The following RBMS3 variants were observed in gnomAD, a reference collection of about 807,000 sequenced individuals.
The protein encoded by RBMS3 is RNA binding motif single stranded interacting protein 3.
In RBMS3, 27 loss-of-function variants were observed where a neutral mutation model predicts 66.8. That is an observed-to-expected ratio of 0.40 (90% CI 0.30 to 0.56). The LOEUF (loss-of-function observed/expected upper bound fraction) is 0.56. Ranked by LOEUF, RBMS3 falls within the 20% of genes least tolerant of loss-of-function variation. The pLI is 0.40. For missense variants in RBMS3, 513 were observed against 549.5 expected, an observed-to-expected ratio of 0.93 and a Z score of 0.66; for synonymous variants, 188 against 183.0, an observed-to-expected ratio of 1.03 and a Z score of -0.22.
intron 6 of RBMS3, among the ~76,000 whole-genome samples, chr3:29,812,651 T>C (rs1263008137): frequency 6.6e-6 from 1 of 152,118 alleles, no homozygotes; most frequent in Non-Finnish European, 1.5e-5. Flanking sequence ...GATTCAAAGG[T>C]TTGACTATTA....
chr3:29,840,065 T>C (rs1283773376), intron 6 of RBMS3, among the ~76,000 whole-genome samples: 1 of 152,048 alleles, frequency 6.6e-6, no homozygotes, highest in Non-Finnish European at 1.5e-5. Flanking sequence ...TCCCTTTCTC[T>C]TTCTCCTCTA....
intron 5 of RBMS3, among the ~76,000 whole-genome samples, chr3:29,756,914 T>C (rs1168231101): frequency 6.6e-6 from 1 of 152,206 alleles, no homozygotes; most frequent in Non-Finnish European, 1.5e-5. Context: ...CATATATCAG[T>C]GTCTTCACCA....
At chr3:29,729,926 C>T (rs1046679801) in intron 4 of RBMS3, among the ~76,000 whole-genome samples, 1 of 151,880 alleles carries the variant, frequency 6.6e-6, no homozygotes, top group Non-Finnish European at 1.5e-5. Context: ...GGGCTATCTA[C>T]CTCAAGGGCT....
At chr3:29,627,294 C>T (rs2049098136) in intron 4 of RBMS3, among the ~76,000 whole-genome samples, 1 of 148,754 alleles carries the variant, frequency 6.7e-6, no homozygotes, top group East Asian at 2.2e-4. Flanking sequence ...TCTTCTCTCT[C>T]TCTCTGTCTC....
intron 4 of RBMS3, among the ~76,000 whole-genome samples, chr3:29,611,295 A>G (rs1442623433): frequency 6.6e-6 from 1 of 152,080 alleles, no homozygotes; most frequent in East Asian, 1.9e-4. Context: ...TTTAGAAGGC[A>G]TATTCTTCAA....
intron 12 of RBMS3, among the ~76,000 whole-genome samples, chr3:29,953,852 CTCTT>C (rs1439765649): frequency 6.6e-6 from 1 of 151,832 alleles, no homozygotes; most frequent in Non-Finnish European, 1.5e-5. Flanking sequence ...TAAAAAATGA[CTCTT>C]TCTTTATGAG....
rs138376863 is a variant in RBMS3, at chr3:29,986,900, G to A, written c.1099-1243G>A. The stretch of plus-strand genomic sequence containing the variant: ...AGAGCTTGCAGTGAGCCAAGATCAC[G>A]CCCCTGCACTCCATTCTGGGCAACA... On this transcript the variant is annotated intron_variant, in intron 12 of 14. Transcript: ENST00000383767. Among the ~76,000 whole-genome samples, 220 of 152,206 alleles carry A rather than the reference G, an allele frequency of 1.4e-3. 1 individual carries two copies. The highest frequency in any genetic ancestry group is 5.0e-3 in the African/African-American group (209 of 41,550).
chr3:29,871,281 C>T (rs546238380), intron 7 of RBMS3, among the ~76,000 whole-genome samples: 2 of 152,200 alleles, frequency 1.3e-5, no homozygotes, highest in South Asian at 4.1e-4. Flanking sequence ...CACTTGAGGG[C>T]ACTACCTACA....
chr3:29,870,926 G>A (rs900301995), intron 7 of RBMS3, among the ~76,000 whole-genome samples: 1 of 151,924 alleles, frequency 6.6e-6, no homozygotes, highest in African/African-American at 2.4e-5. Context: ...TTTGGTTTGG[G>A]GATGCACATA....
At chr3:29,911,217 T>C (rs1032842190) in intron 10 of RBMS3, among the ~76,000 whole-genome samples, 19 of 151,878 alleles carry the variant, frequency 1.3e-4, no homozygotes, top group African/African-American at 4.4e-4. Flanking sequence ...GCAGGAAGGG[T>C]GCTCTGAGCA....
At chr3:29,529,688 G>C (rs1043380050) in intron 3 of RBMS3, among the ~76,000 whole-genome samples, 3 of 152,140 alleles carry the variant, frequency 2.0e-5, no homozygotes, top group Non-Finnish European at 2.9e-5. Context: ...ATAGATGTGA[G>C]TGTTTTGGTG....
intron 6 of RBMS3, among the ~76,000 whole-genome samples, chr3:29,807,690 G>T (rs1294070087): frequency 6.6e-6 from 1 of 151,790 alleles, no homozygotes; most frequent in Non-Finnish European, 1.5e-5. Context: ...ATGTTCCACA[G>T]CACATTGTTA....
intron 13 of RBMS3, among the ~76,000 whole-genome samples, chr3:29,989,009 G>A (rs777912390): frequency 6.6e-6 from 1 of 152,098 alleles, no homozygotes; most frequent in Non-Finnish European, 1.5e-5. Flanking sequence ...TTATTTGTCT[G>A]GAGTATAGAC....
At chr3:29,470,096 A>G (rs1370603009) in intron 2 of RBMS3, among the ~76,000 whole-genome samples, 1 of 150,276 alleles carries the variant, frequency 6.7e-6, no homozygotes, top group African/African-American at 2.4e-5. Flanking sequence ...ACTGAAATAT[A>G]ATAAATTATA....
chr3:29,955,379 T>A (rs1695964092), intron 12 of RBMS3, among the ~76,000 whole-genome samples: 1 of 152,032 alleles, frequency 6.6e-6, no homozygotes, highest in Non-Finnish European at 1.5e-5. Context: ...ACATTCCAAG[T>A]ACTTTTTAAG....
chr3:29,711,086 G>A (rs1348792966), intron 4 of RBMS3, among the ~76,000 whole-genome samples: 1 of 152,074 alleles, frequency 6.6e-6, no homozygotes, highest in African/African-American at 2.4e-5. Context: ...TGTATCCTAT[G>A]TGTTTTCCTA....
At chr3:29,380,868 C>A (rs1386671328) in intron 1 of RBMS3, among the ~76,000 whole-genome samples, 1 of 152,132 alleles carries the variant, frequency 6.6e-6, no homozygotes, top group Non-Finnish European at 1.5e-5. Flanking sequence ...GGGACATGAA[C>A]TACATATGAG....
intron 2 of RBMS3, among the ~76,000 whole-genome samples, chr3:29,481,417 C>T (rs1018266416): frequency 6.6e-6 from 1 of 152,128 alleles, no homozygotes; most frequent in African/African-American, 2.4e-5. Flanking sequence ...TATGCATGAA[C>T]AAATGAGAAG....
chr3:29,651,235 A>G (rs1344609167), intron 4 of RBMS3, among the ~76,000 whole-genome samples: 3 of 152,208 alleles, frequency 2.0e-5, no homozygotes, highest in Admixed American at 1.3e-4. Context: ...TGAGGGAATT[A>G]ATACATGTAA....
Sources: allele counts gnomAD v4.1 joint callset (sites outside exome capture counted in the v4.1 genomes callset), GRCh38; gene constraint gnomAD v4.1.1; transcripts MANE v1.5; gene names NCBI Gene and HGNC (gene_info 2026-07-23, HGNC 2026-07-21).